Variants in ZDHHC8 observed in about 807,000 individuals in gnomAD.
The protein encoded by ZDHHC8 is palmitoyltransferase ZDHHC8.
Under a neutral mutation model 61.2 loss-of-function variants are expected in ZDHHC8, and 24 were observed. The observed-to-expected ratio is 0.39, with a 90% CI of 0.28 to 0.55. ZDHHC8 has a LOEUF of 0.55. ZDHHC8 is among the 20% of genes least tolerant of loss of function. ZDHHC8 has a pLI of 0.60. For missense variants in ZDHHC8, 935 were observed against 1,102.1 expected (o/e 0.85, Z 2.15); for synonymous variants, 523 against 492.5 (o/e 1.06, Z -0.82).
chr22:20,147,304 A>T lies in ZDHHC8; in HGVS notation c.*1904A>T. 7.4e-7 allele frequency: 1 copy of T among 1,346,264 alleles called. No homozygotes were observed. The highest frequency in any genetic ancestry group is 1.7e-5 in the South Asian group (1 of 58,572). 83.4% of individuals were successfully genotyped at this position (1,346,264 alleles called of 1,614,324 possible). ...GACCCAGGAGGTCAGACTGCAGTGG[A>T]CCCTGGGGCAGGGCTGGGGGTGGGC... On this transcript the variant is annotated 3_prime_UTR_variant, in exon 11 of 11. Transcript: ENST00000334554.
intron 1 of ZDHHC8, 37 bp from the exon 2 acceptor site, chr22:20,139,157 C>G: frequency 6.2e-7 from 1 of 1,601,924 alleles, no homozygotes; most frequent in South Asian, 1.1e-5. Flanking sequence ...GCTCTGCACC[C>G]CCAGACTCCA....
In ZDHHC8 at chr22:20,145,871, G is replaced by T. The variant is rs540205949; in HGVS notation, c.*471G>T. On this transcript the variant is annotated 3_prime_UTR_variant, in exon 11 of 11. Transcript: ENST00000334554. ...TCCCGGACCGAGTGTCCCCCGCCAG[G>T]CTACTCCTAACTAACGCGTTGCCTT... 4.1e-6 allele frequency: 4 copies of T among 986,098 alleles called. No individual in the cohort carries two copies. In the Admixed American group the frequency reaches 2.5e-4, roughly 61 times the overall value. The allele number at this position is 986,098 out of a possible 1,614,324, so 61.1% of individuals were successfully genotyped here.
chr22:20,143,860 G>C, intron 10 of ZDHHC8, 104 bp downstream of exon 10: 2 of 1,381,980 alleles, frequency 1.4e-6, no homozygotes, highest in Non-Finnish European at 1.9e-6. Context: ...CCAGGGGCCT[G>C]AGTTTTTCTC....
intron 1 of ZDHHC8, among the ~76,000 whole-genome samples, 166 bp downstream of exon 1, chr22:20,132,217 G>C (rs1346879837): frequency 6.6e-6 from 1 of 152,272 alleles, no homozygotes; most frequent in Admixed American, 6.5e-5. Context: ...GGGGCTGGGG[G>C]AGTTGAAGCG....
chr22:20,140,438 C>T (rs1190329804), intron 5 of ZDHHC8, 179 bp from the exon 6 acceptor site: 10 of 803,260 alleles, frequency 1.2e-5, no homozygotes, highest in Non-Finnish European at 1.9e-5. Context: ...AGAAATCCCA[C>T]AGCTCCCTGC....
chr22:20,136,328 G>T (rs1027845243), intron 1 of ZDHHC8, among the ~76,000 whole-genome samples: 2 of 152,278 alleles, frequency 1.3e-5, no homozygotes, highest in Non-Finnish European at 2.9e-5. Flanking sequence ...CTGCCTGTGG[G>T]AATGCGTGTC....
In ZDHHC8 at chr22:20,145,207, G is replaced by A. The variant is rs368712817; in HGVS notation, c.2127-22G>A. 2.7e-6 allele frequency: 4 copies of A among 1,469,512 alleles called. No individual in the cohort carries two copies. The South Asian group carries it at 4.2e-5, about 16-fold the overall frequency. The allele number at this position is 1,469,512 out of a possible 1,614,324, so 91.0% of individuals were successfully genotyped here. A position where few individuals can be genotyped will look rare whatever the true frequency, so the allele number is the denominator to read the frequency against. On this transcript the variant is annotated intron_variant, in intron 10 of 10. Transcript: ENST00000334554. The stretch of plus-strand genomic sequence containing the variant: ...TCGTGTGTTCACCGTGTGCATGTGT[G>A]TATGTGCTTGTTTTGATGCAGGGAC...
intron 1 of ZDHHC8, among the ~76,000 whole-genome samples, chr22:20,136,154 G>A: frequency 6.6e-6 from 1 of 152,236 alleles, no homozygotes; most frequent in Non-Finnish European, 1.5e-5. Flanking sequence ...GAGCCAGCCA[G>A]GAGGGGCTCA....
chr22:20,147,540 C>G lies in ZDHHC8; in HGVS notation c.*2140C>G. The G allele has an allele frequency of 7.1e-6, 1 of 141,410 alleles. No individual in the cohort carries two copies. Among genetic ancestry groups the G allele is most frequent in the Non-Finnish European group, 1.5e-5 (1 of 65,312 alleles). The allele number at this position is 141,410 out of a possible 1,614,324, so 8.8% of individuals were successfully genotyped here. On this transcript the variant is annotated 3_prime_UTR_variant, in exon 11 of 11. Coordinates refer to ENST00000334554, the MANE Select transcript of ZDHHC8 (RefSeq NM_013373.4). ...ACTTTAGACTAAGCCACTTCCTCCTCGGGGAGCCCAGGCCTCCGTGGGTTG... is the reference window on the plus strand; with the variant it reads ...ACTTTAGACTAAGCCACTTCCTCCTGGGGGAGCCCAGGCCTCCGTGGGTTG...
Position 20,143,378 on chromosome 22 carries a change from G to A in ZDHHC8, c.1748G>A (p.Ser583Asn). ...GACTCAGGCGTCTATGACGCTCCCAGCTCCTACAGCCTGCAGCAGGCCAGT... is the reference window on the plus strand; with the variant it reads ...GACTCAGGCGTCTATGACGCTCCCAACTCCTACAGCCTGCAGCAGGCCAGT... ...FGDSGVYDAP[S>N]SYSLQQASVL... Residue 583 changes from serine (S) to asparagine (N), a missense_variant, in exon 10 of 11, where the codon AGC becomes AAC. By Grantham distance (46) the Ser-to-Asn change is conservative (BLOSUM62 1). Transcript: ENST00000334554. 1.3e-6 allele frequency: 2 copies of A among 1,585,334 alleles called. No individual in the cohort carries two copies. Among genetic ancestry groups the A allele is most frequent in the Non-Finnish European group, 1.7e-6 (2 of 1,169,694 alleles).
intron 4 of ZDHHC8, 73 bp from the exon 5 acceptor site, chr22:20,140,042 C>T (rs2148006249): frequency 1.1e-5 from 17 of 1,594,694 alleles, no homozygotes; most frequent in Non-Finnish European, 1.5e-5. Context: ...GGTTTGTCCA[C>T]AGGCACCTGC....
intron 1 of ZDHHC8, among the ~76,000 whole-genome samples, chr22:20,133,965 G>C (rs1168215732): frequency 1.3e-5 from 2 of 152,198 alleles, no homozygotes; most frequent in Non-Finnish European, 2.9e-5. Context: ...CCAGCCCTAG[G>C]CATGGAGTGC....
chr22:20,135,712 G>T (rs175173), intron 1 of ZDHHC8, among the ~76,000 whole-genome samples: 14,787 of 152,240 alleles, frequency 0.097, 1,317 homozygotes, highest in African/African-American at 0.23. Context: ...CATGTGGCCT[G>T]GGGTATTCCT....
chr22:20,140,419 C>A, intron 5 of ZDHHC8, 198 bp from the exon 6 acceptor site: 1 of 781,724 alleles, frequency 1.3e-6, no homozygotes, highest in South Asian at 1.8e-5. Flanking sequence ...CTGTGGCCAC[C>A]AGTGACCCAG....
rs201040520 is a variant in ZDHHC8 at position 20,142,932 on chromosome 22, C to T, written c.1302C>T (p.Ser434=). Residue 434 remains serine, a synonymous_variant, in exon 10 of 11, where the codon AGC becomes AGT. Coordinates refer to ENST00000334554, the MANE Select transcript of ZDHHC8 (RefSeq NM_013373.4). ...TCTCGGGCGCTTTGCGCTCCCTGAG[C>T]CTCAAGGCCTCGAGCCGGCGGGGCG... The part of the protein sequence containing the change: ...DAFSGALRSL[S]LKASSRRGGD... The T allele has an allele frequency of 1.6e-5, 25 of 1,604,038 alleles. No homozygotes were observed. The Admixed American group carries it at 3.4e-4, about 22-fold the overall frequency.
Position 20,146,800 on chromosome 22 carries a change from C to A in ZDHHC8, c.*1400C>A. 1 of 1,237,308 alleles carries A rather than the reference C, an allele frequency of 8.1e-7. No individual in the cohort carries two copies. The highest frequency in any genetic ancestry group is 1.0e-6 in the Non-Finnish European group (1 of 991,252). The allele number at this position is 1,237,308 out of a possible 1,614,324, so 76.6% of individuals were successfully genotyped here. A position where few individuals can be genotyped will look rare whatever the true frequency, so the allele number is the denominator to read the frequency against. The stretch of plus-strand genomic sequence containing the variant: ...ATGAAATGGGGGTGCATAGGGGCCA[C>A]CTGTTGGCTCAGGGCCCTGTGGGGG... On this transcript the variant is annotated 3_prime_UTR_variant, in exon 11 of 11. Coordinates refer to ENST00000334554, the MANE Select transcript of ZDHHC8 (RefSeq NM_013373.4).
intron 1 of ZDHHC8, among the ~76,000 whole-genome samples, chr22:20,137,898 GCAGCTGTGTCCT>G (rs1224794114): frequency 2.6e-5 from 4 of 152,248 alleles, no homozygotes; most frequent in Non-Finnish European, 4.4e-5. Flanking sequence ...AGGTGTGGCC[GCAGCTGTGTCCT>G]CACCCTGGTG....
intron 5 of ZDHHC8, 198 bp from the exon 6 acceptor site, chr22:20,140,419 C>T: frequency 1.3e-6 from 1 of 781,722 alleles, no homozygotes; most frequent in Non-Finnish European, 2.0e-6. Context: ...CTGTGGCCAC[C>T]AGTGACCCAG....
chr22:20,133,181 T>C (rs1454260440), intron 1 of ZDHHC8, among the ~76,000 whole-genome samples: 1 of 151,996 alleles, frequency 6.6e-6, no homozygotes, highest in Non-Finnish European at 1.5e-5. Context: ...AAAAAAGGCC[T>C]GTGTGGACGG....
Sources: allele counts gnomAD v4.1 joint callset (sites outside exome capture counted in the v4.1 genomes callset), GRCh38; gene constraint gnomAD v4.1.1; transcripts MANE v1.5; gene names NCBI Gene and HGNC (gene_info 2026-07-23, HGNC 2026-07-21).